The following FBXO27 variants were observed in gnomAD, a reference collection of about 807,000 sequenced individuals.
FBXO27 encodes F-box only protein 27.
FBXO27 carries 28 observed loss-of-function variants against 28.3 expected under a neutral mutation model. The observed-to-expected ratio is 0.99, with a 90% CI of 0.73 to 1.36. The LOEUF (loss-of-function observed/expected upper bound fraction) is 1.36. Among genes scored for constraint, FBXO27 ranks in the 40% most tolerant of loss-of-function variants. The pLI, the probability that FBXO27 is intolerant of heterozygous loss-of-function variation, is 0.00. For synonymous variants in FBXO27, 175 were observed against 167.3 expected (o/e 1.05, Z -0.36); for missense variants, 388 against 394.1 (o/e 0.98, Z 0.13).
intron 5 of FBXO27, among the ~76,000 whole-genome samples, chr19:39,026,321 C>T (rs979781337): frequency 3.9e-5 from 6 of 151,998 alleles, no homozygotes; most frequent in African/African-American, 1.4e-4. Context: ...CAGCCACCAA[C>T]AGCTACACAC....
At chr19:39,010,849 A>G (rs995884032) in intron 2 of FBXO27, among the ~76,000 whole-genome samples, 1 of 152,234 alleles carries the variant, frequency 6.6e-6, no homozygotes, top group African/African-American at 2.4e-5. Flanking sequence ...TGCCCCTTCA[A>G]TAAAGCTGTT....
At chr19:39,015,401 C>T (rs1220551362) in intron 1 of FBXO27, among the ~76,000 whole-genome samples, 2 of 142,872 alleles carry the variant, frequency 1.4e-5, no homozygotes, top group Non-Finnish European at 3.0e-5. Flanking sequence ...GAGGCCAAGG[C>T]GGGCGGATTG....
At chr19:39,030,586 T>C in intron 4 of FBXO27, 1 of 184,412 alleles carries the variant, frequency 5.4e-6, no homozygotes, top group Non-Finnish European at 1.1e-5. Flanking sequence ...TGAGTGTGTT[T>C]TTCACTTCAC....
At chr19:39,010,488 G>A (rs1474934213) in intron 2 of FBXO27, among the ~76,000 whole-genome samples, 2 of 152,182 alleles carry the variant, frequency 1.3e-5, no homozygotes, top group African/African-American at 4.8e-5. Flanking sequence ...GAGGTAGGAG[G>A]TGGGACTTGA....
rs146293875 is a variant in FBXO27, at chr19:39,025,492, G to T, written c.771C>A (p.Gly257=). 1.9e-6 allele frequency: 3 copies of T among 1,614,138 alleles called. No individual in the cohort carries two copies. The highest frequency in any genetic ancestry group is 1.6e-4 in the Middle Eastern group (1 of 6,062). ...GGCCAGCCCAGAACTGTGTGTCCTG[G>T]CCCCGGTGTTCGAAAGACACAAAGC... is the stretch of plus-strand genomic sequence containing the variant. ...GVRFVSFEHR[G]QDTQFWAGHY... Residue 257 remains glycine (G), a synonymous_variant, in exon 6 of 6, where the codon GGC becomes GGA. Transcript: ENST00000292853.
chr19:39,031,770 C>T (rs2072905948), intron 2 of FBXO27, 94 bp downstream of exon 2: 3 of 1,320,410 alleles, frequency 2.3e-6, no homozygotes, highest in Non-Finnish European at 1.9e-6. Context: ...CCCTGCGGCC[C>T]CTAGTACCGG....
chr19:39,020,485 AG>A (rs1303311521), downstream of FBXO27, among the ~76,000 whole-genome samples: 2 of 151,996 alleles, frequency 1.3e-5, no homozygotes, highest in Non-Finnish European at 2.9e-5. Context: ...CCTCTAGATC[AG>A]GGGGTCATAA....
intron 2 of FBXO27, 59 bp from the exon 3 acceptor site, chr19:39,031,379 G>C: frequency 6.6e-7 from 1 of 1,524,496 alleles, no homozygotes; most frequent in Non-Finnish European, 9.0e-7. Flanking sequence ...GGTTCCTAGT[G>C]AGACCCCGCC....
intron 2 of FBXO27, among the ~76,000 whole-genome samples, chr19:39,008,805 T>G (rs1371738578): frequency 1.3e-5 from 2 of 152,192 alleles, no homozygotes; most frequent in Non-Finnish European, 2.9e-5. Context: ...GCAGCATATA[T>G]CAGTATTTCA....
chr19:39,009,685 T>C (rs1372981274), intron 2 of FBXO27, among the ~76,000 whole-genome samples: 1 of 152,182 alleles, frequency 6.6e-6, no homozygotes, highest in Non-Finnish European at 1.5e-5. Context: ...TTATATATTT[T>C]GGATACTAGA....
downstream of FBXO27, among the ~76,000 whole-genome samples, chr19:39,019,994 T>A (rs1034990463): frequency 6.6e-6 from 1 of 152,034 alleles, no homozygotes; most frequent in Non-Finnish European, 1.5e-5. Context: ...CTCAAGCGAT[T>A]CTCCCCACTT....
chr19:39,021,535 T>C (rs1199491818), downstream of FBXO27, among the ~76,000 whole-genome samples: 3 of 152,236 alleles, frequency 2.0e-5, no homozygotes, highest in East Asian at 5.8e-4. Flanking sequence ...GCTTACTTTA[T>C]TGTAAGAATA....
At chr19:39,011,705 G>C (rs1031439858) in intron 2 of FBXO27, among the ~76,000 whole-genome samples, 2 of 145,804 alleles carry the variant, frequency 1.4e-5, no homozygotes, top group Non-Finnish European at 3.0e-5. Context: ...GGGGAGGGGG[G>C]GTCTCCCTTT....
chr19:39,031,004 G>A (rs2072898747), intron 4 of FBXO27, 25 bp downstream of exon 4: 1 of 1,593,032 alleles, frequency 6.3e-7, no homozygotes, highest in East Asian at 2.2e-5. Context: ...GCTTAGCAAG[G>A]GGCTATTTTA....
downstream of FBXO27, among the ~76,000 whole-genome samples, chr19:39,023,256 CA>C (rs1314601283): frequency 6.6e-6 from 1 of 152,186 alleles, no homozygotes; most frequent in Non-Finnish European, 1.5e-5. Flanking sequence ...TTCCAATCTA[CA>C]GTTGGTTGAA....
intron 2 of FBXO27, among the ~76,000 whole-genome samples, 198 bp downstream of exon 2, chr19:39,031,666 T>TCCCAATGCTGCC (rs887657509): frequency 2.0e-5 from 3 of 146,838 alleles, no homozygotes; most frequent in African/African-American, 7.7e-5. Context: ...TCCCACCGGC[T>TCCCAATGCTGCC]CCCAATGCTG....
At chr19:39,030,894 C>T in intron 4 of FBXO27, 135 bp downstream of exon 4, 1 of 770,620 alleles carries the variant, frequency 1.3e-6, no homozygotes. Context: ...AGGTGTGAGC[C>T]ACCATGGCTG....
chr19:39,031,151 A>G lies in FBXO27; in HGVS notation c.477-27T>C, dbSNP rs1325582410. On this transcript the variant is annotated intron_variant, in intron 3 of 5. Coordinates refer to ENST00000292853, the MANE Select transcript of FBXO27 (RefSeq NM_178820.5). ...TGGGAATGCAGGAGACAGGGTAATG[A>G]GAACAGGCAGGCCTTTCTCAACAAG... 1.9e-6 allele frequency: 3 copies of G among 1,613,184 alleles called. No individual in the cohort carries two copies. In the South Asian group the frequency reaches 3.3e-5, roughly 18 times the overall value.
intron 2 of FBXO27, among the ~76,000 whole-genome samples, chr19:39,007,318 T>C (rs1040558923): frequency 2.0e-5 from 3 of 152,140 alleles, no homozygotes; most frequent in African/African-American, 7.2e-5. Flanking sequence ...TGCATGTCCA[T>C]GACAACAGTG....
Sources: allele counts gnomAD v4.1 joint callset (sites outside exome capture counted in the v4.1 genomes callset), GRCh38; gene constraint gnomAD v4.1.1; transcripts MANE v1.5; gene names NCBI Gene and HGNC (gene_info 2026-07-23, HGNC 2026-07-21).